Variants in KCNB2 observed in about 807,000 individuals in gnomAD.
The protein encoded by KCNB2 is potassium voltage-gated channel subfamily B member 2, also known as delayed rectifier potassium channel protein.
KCNB2 carries 15 observed loss-of-function variants against 61.5 expected under a neutral mutation model. That is an observed-to-expected ratio of 0.24 (90% CI 0.16 to 0.38). KCNB2 has a LOEUF of 0.38. Ranked by LOEUF, KCNB2 falls within the 10% of genes least tolerant of loss-of-function variation. KCNB2 has a pLI of 1.00. For synonymous variants in KCNB2, 457 were observed against 446.0 expected, an observed-to-expected ratio of 1.02 and a Z score of -0.31; for missense variants, 828 against 1,125.2, an observed-to-expected ratio of 0.74 and a Z score of 3.78.
chr8:72,920,475 A>ATGTGTGTGTG (rs10631337), intron 2 of KCNB2, among the ~76,000 whole-genome samples: 1 of 58,344 alleles, frequency 1.7e-5, no homozygotes, highest in Non-Finnish European at 4.3e-5. Context: ...CTATCTATCT[A>ATGTGTGTGTG]TATATATATA....
intron 2 of KCNB2, among the ~76,000 whole-genome samples, chr8:72,723,091 A>T (rs746394229): frequency 2.6e-5 from 4 of 152,178 alleles, no homozygotes; most frequent in Non-Finnish European, 5.9e-5. Flanking sequence ...AGGACTGAGA[A>T]GTATTTGATT....
In KCNB2 at chr8:72,667,462, T is replaced by A. The variant is rs147770355; in HGVS notation, c.579+99149T>A. ...TGTCTAAATTTGAATTCTTTTTTTTTATCCCACAAGCATTTTCTTCCTGTA... is the reference window on the plus strand; with the variant it reads ...TGTCTAAATTTGAATTCTTTTTTTTAATCCCACAAGCATTTTCTTCCTGTA... On this transcript the variant is annotated intron_variant, in intron 2 of 2. Coordinates refer to ENST00000523207, the MANE Select transcript of KCNB2 (RefSeq NM_004770.3). 5.7e-3 allele frequency among the ~76,000 whole-genome samples: 872 copies of A among 152,318 alleles called. 8 individuals carry two copies. Among genetic ancestry groups the A allele is most frequent in the Non-Finnish European group, 7.9e-3 (536 of 68,026 alleles).
chr8:72,684,385 G>A (rs775327890), intron 2 of KCNB2, among the ~76,000 whole-genome samples: 2 of 152,210 alleles, frequency 1.3e-5, no homozygotes, highest in African/African-American at 4.8e-5. Context: ...TGCAGATGTG[G>A]CAGCTGACAG....
chr8:72,778,830 G>T (rs996535351), intron 2 of KCNB2, among the ~76,000 whole-genome samples: 8 of 145,630 alleles, frequency 5.5e-5, no homozygotes, highest in African/African-American at 1.5e-4. Context: ...ATTAAATAAA[G>T]TTCGAGATAT....
chr8:72,891,459 A>T (rs1428748741), intron 2 of KCNB2, among the ~76,000 whole-genome samples: 2 of 152,246 alleles, frequency 1.3e-5, no homozygotes, highest in Non-Finnish European at 2.9e-5. Context: ...TACAATTAGG[A>T]ATGGACCAGG....
At position 72,561,739 on chromosome 8, in the gene KCNB2, A is replaced by ATGTG. The variant is rs1563523449; in HGVS notation, c.-93-5902_-93-5901insGTGT. ...TATATATATATATATCTATATCTATATATATATGTATATATATATATGGAT... is the reference window on the plus strand; with the variant it reads ...TATATATATATATATCTATATCTATATGTGTATATATGTATATATATATATGGAT... On this transcript the variant is annotated intron_variant, in intron 1 of 2. Transcript: ENST00000523207. Among the ~76,000 whole-genome samples the ATGTG allele has an allele frequency of 1.0e-3, 25 of 24,674 alleles. 2 individuals are homozygous for ATGTG. Among genetic ancestry groups the ATGTG allele is most frequent in the Admixed American group, 2.9e-3 (5 of 1,752 alleles). The allele number at this position is 24,674 out of a possible 152,430, so 16.2% of individuals were successfully genotyped here.
At chr8:72,903,050 G>A (rs1585964552) in intron 2 of KCNB2, among the ~76,000 whole-genome samples, 1 of 152,212 alleles carries the variant, frequency 6.6e-6, no homozygotes, top group East Asian at 1.9e-4. Context: ...CTTTGAGTAC[G>A]GAATTTGAAG....
chr8:72,836,658 C>A (rs1809787363), intron 2 of KCNB2, among the ~76,000 whole-genome samples: 1 of 152,182 alleles, frequency 6.6e-6, no homozygotes, highest in Non-Finnish European at 1.5e-5. Flanking sequence ...CACTTGTAAT[C>A]CCAGCAATTT....
rs556471351 is a variant in KCNB2 at position 72,807,770 on chromosome 8, C to T, written c.580-128165C>T. 4.6e-5 allele frequency among the ~76,000 whole-genome samples: 7 copies of T among 152,088 alleles called. No homozygotes were observed. In the East Asian group the frequency reaches 9.6e-4, roughly 21 times the overall value. On this transcript the variant is annotated intron_variant, in intron 2 of 2. Transcript: ENST00000523207. ...CAGAATAAGAGTCTCATTTGGGTCACGCATTTCTTCAGGATAATAAATAAT... is the reference window on the plus strand; with the variant it reads ...CAGAATAAGAGTCTCATTTGGGTCATGCATTTCTTCAGGATAATAAATAAT...
chr8:72,708,868 T>C lies in KCNB2; in HGVS notation c.579+140555T>C, dbSNP rs912788713. On this transcript the variant is annotated intron_variant, in intron 2 of 2. Transcript: ENST00000523207. ...AGAATGAGAATCTGGCATAAGGTTATTCTTATTCCTATCCTATTTTTATCT... is the reference window on the plus strand; with the variant it reads ...AGAATGAGAATCTGGCATAAGGTTACTCTTATTCCTATCCTATTTTTATCT... 3.3e-5 allele frequency among the ~76,000 whole-genome samples: 5 copies of C among 152,244 alleles called. No homozygotes were observed. In the East Asian group the frequency reaches 9.6e-4, roughly 29 times the overall value.
intron 2 of KCNB2, among the ~76,000 whole-genome samples, chr8:72,663,588 A>G (rs1421414558): frequency 6.6e-6 from 1 of 152,188 alleles, no homozygotes; most frequent in African/African-American, 2.4e-5. Context: ...ATAATTTAGT[A>G]TAACACTCAT....
intron 2 of KCNB2, among the ~76,000 whole-genome samples, chr8:72,788,782 G>C (rs547705617): frequency 6.6e-6 from 1 of 152,138 alleles, no homozygotes; most frequent in African/African-American, 2.4e-5. Flanking sequence ...TTCTTTCTTA[G>C]ATACACACAT....
At chr8:72,718,502 A>C (rs1226414432) in intron 2 of KCNB2, among the ~76,000 whole-genome samples, 1 of 152,192 alleles carries the variant, frequency 6.6e-6, no homozygotes, top group Admixed American at 6.5e-5. Flanking sequence ...TGATGAGTTC[A>C]TCTCTTTTGT....
At chr8:72,917,157 A>G (rs1806416757) in intron 2 of KCNB2, among the ~76,000 whole-genome samples, 1 of 152,192 alleles carries the variant, frequency 6.6e-6, no homozygotes, top group Admixed American at 6.5e-5. Context: ...TCTGAGAAGG[A>G]AATCATTTCC....
chr8:72,883,357 A>T (rs1160465951), intron 2 of KCNB2, among the ~76,000 whole-genome samples: 1 of 152,328 alleles, frequency 6.6e-6, no homozygotes, highest in South Asian at 2.1e-4. Context: ...GTCCTCAGTT[A>T]TCCACTGACC....
At chr8:72,729,092 G>C (rs144839113) in intron 2 of KCNB2, among the ~76,000 whole-genome samples, 1 of 152,306 alleles carries the variant, frequency 6.6e-6, no homozygotes, top group East Asian at 1.9e-4. Flanking sequence ...TCACTATTTA[G>C]TTGTGCTCCA....
intron 2 of KCNB2, among the ~76,000 whole-genome samples, chr8:72,618,040 C>A (rs751646428): frequency 6.6e-6 from 1 of 152,182 alleles, no homozygotes; most frequent in Non-Finnish European, 1.5e-5. Flanking sequence ...GCCTCCCACT[C>A]ACCTTGGTAC....
At chr8:72,684,099 G>A (rs1336188651) in intron 2 of KCNB2, among the ~76,000 whole-genome samples, 2 of 152,240 alleles carry the variant, frequency 1.3e-5, no homozygotes, top group Non-Finnish European at 1.5e-5. Flanking sequence ...GCCTAAAAAC[G>A]GCATCCTTGG....
chr8:72,797,992 C>T (rs1290934028), intron 2 of KCNB2, among the ~76,000 whole-genome samples: 2 of 152,146 alleles, frequency 1.3e-5, no homozygotes, highest in African/African-American at 2.4e-5. Context: ...GTTTTCCTAT[C>T]TCATTTCTTT....
Sources: gnomAD v4.1 joint callset for allele counts (sites outside exome capture counted in the v4.1 genomes callset) on GRCh38, gnomAD v4.1.1 for gene constraint, MANE v1.5 for transcripts, NCBI Gene and HGNC (gene_info 2026-07-23, HGNC 2026-07-21) for gene names.